Variants in PHTF2 observed in about 807,000 individuals in gnomAD.
The protein encoded by PHTF2 is protein PHTF2.
PHTF2 carries 60 observed loss-of-function variants against 101.2 expected under a neutral mutation model. The ratio of observed to expected loss-of-function variants is 0.59; its 90% confidence interval spans 0.48 to 0.73. The LOEUF (loss-of-function observed/expected upper bound fraction) is 0.73. Among genes scored for constraint, PHTF2 ranks in the 30% least tolerant of loss-of-function variants. The pLI, the probability that PHTF2 is intolerant of heterozygous loss-of-function variation, is 0.00. For synonymous variants in PHTF2, 311 were observed against 307.3 expected (o/e 1.01, Z -0.13); for missense variants, 747 against 908.7 (o/e 0.82, Z 2.29).
intron 1 of PHTF2, among the ~76,000 whole-genome samples, chr7:77,831,274 C>T (rs1395669776): frequency 6.6e-6 from 1 of 152,188 alleles, no homozygotes. Flanking sequence ...TATGGAAGGC[C>T]ACCACTTCAT....
rs114594024 is a variant in PHTF2 at position 77,875,011 on chromosome 7, T to G, written c.148-18597T>G. Among the ~76,000 whole-genome samples the G allele has an allele frequency of 5.6e-3, 858 of 152,352 alleles. 8 individuals are homozygous for G. The highest frequency in any genetic ancestry group is 0.02 in the African/African-American group (813 of 41,580). On this transcript the variant is annotated intron_variant, in intron 3 of 19. Transcript: ENST00000416283. ...ATTTTATGCCAGGCCCATGGTCTTT[T>G]GGTTACTATAGGTTTGTAATATATT... is the stretch of plus-strand genomic sequence containing the variant.
At chr7:77,940,353 A>G in intron 14 of PHTF2, 51 bp downstream of exon 13, 1 of 1,459,684 alleles carries the variant, frequency 6.9e-7, no homozygotes, top group Non-Finnish European at 9.3e-7. Flanking sequence ...TTTTCATAAT[A>G]TTAAAAGTAT....
Position 77,923,140 on chromosome 7 carries a change from C to A in PHTF2, c.1119+362C>A, listed in dbSNP as rs973423213. Reference sequence around the variant, plus strand: ...ATCATAGCAAAGTTATTTTAAGTAACTTCCTTCATATTGCTGTCACCAGTT... The same window carrying A: ...ATCATAGCAAAGTTATTTTAAGTAAATTCCTTCATATTGCTGTCACCAGTT... On this transcript the variant is annotated intron_variant, in intron 11 of 19. Transcript: ENST00000416283. 27 of 985,976 alleles carry A rather than the reference C, an allele frequency of 2.7e-5. No individual in the cohort carries two copies. In the African/African-American group the frequency reaches 4.5e-4, roughly 17 times the overall value. The allele number at this position is 985,976 out of a possible 1,614,324, so 61.1% of individuals were successfully genotyped here. A position where few individuals can be genotyped will look rare whatever the true frequency, so the allele number is the denominator to read the frequency against.
rs527515733 is a variant in PHTF2, at chr7:77,862,996, T to C, written c.147+8162T>C. On this transcript the variant is annotated intron_variant, in intron 3 of 19. Coordinates refer to ENST00000416283, the Ensembl canonical transcript of PHTF2. ...TCTTTGCCTAATGGACCATAGAGTT[T>C]ATTCAAATAAAAGCTGTAGATTCAG... is the stretch of plus-strand genomic sequence containing the variant. 2.0e-5 allele frequency among the ~76,000 whole-genome samples: 3 copies of C among 152,318 alleles called. No homozygotes were observed. The East Asian group carries it at 5.8e-4, about 29-fold the overall frequency.
At chr7:77,878,667 A>G (rs1207723008) in intron 3 of PHTF2, among the ~76,000 whole-genome samples, 1 of 152,190 alleles carries the variant, frequency 6.6e-6, no homozygotes, top group African/African-American at 2.4e-5. Flanking sequence ...CCAGGAATGA[A>G]CAAGCACAGC....
At chr7:77,916,285 T>G (rs896856169) in intron 9 of PHTF2, among the ~76,000 whole-genome samples, 1 of 152,222 alleles carries the variant, frequency 6.6e-6, no homozygotes, top group Non-Finnish European at 1.5e-5. Flanking sequence ...TGTATTTTTA[T>G]TCCCTAAAAC....
intron 1 of PHTF2, among the ~76,000 whole-genome samples, chr7:77,824,585 C>A (rs1324365244): frequency 6.6e-6 from 1 of 152,172 alleles, no homozygotes; most frequent in African/African-American, 2.4e-5. Context: ...ACCACCATGC[C>A]TGGCTAATTT....
chr7:77,829,628 A>T (rs1008679841), intron 1 of PHTF2, among the ~76,000 whole-genome samples: 1 of 152,196 alleles, frequency 6.6e-6, no homozygotes, highest in Admixed American at 6.5e-5. Flanking sequence ...CTTTTGTATC[A>T]TTATGAAAGA....
chr7:77,886,493 C>A (rs150707184), intron 3 of PHTF2, among the ~76,000 whole-genome samples: 65 of 152,222 alleles, frequency 4.3e-4, no homozygotes, highest in African/African-American at 1.5e-3. Context: ...TCCTCCATTT[C>A]CCCCTTTCCC....
At chr7:77,865,244 T>C (rs1410949930) in intron 3 of PHTF2, among the ~76,000 whole-genome samples, 1 of 151,914 alleles carries the variant, frequency 6.6e-6, no homozygotes, top group Non-Finnish European at 1.5e-5. Flanking sequence ...TTTTTTTTTT[T>C]AGACAGAGTC....
chr7:77,923,899 A>G (rs550111322), intron 11 of PHTF2: 4 of 967,616 alleles, frequency 4.1e-6, no homozygotes, highest in East Asian at 1.1e-4. Context: ...ACATTATTCT[A>G]CCTATTAACT....
At chr7:77,856,697 C>G (rs189067437) in intron 3 of PHTF2, among the ~76,000 whole-genome samples, 1 of 151,762 alleles carries the variant, frequency 6.6e-6, no homozygotes, top group African/African-American at 2.4e-5. Flanking sequence ...TTTTCCTTGC[C>G]GTTATTCCCT....
chr7:77,884,285 T>C (rs977426026), intron 3 of PHTF2, among the ~76,000 whole-genome samples: 1 of 152,242 alleles, frequency 6.6e-6, no homozygotes, highest in Admixed American at 6.5e-5. Context: ...GGTTACATGA[T>C]GAATTATATA....
intron 3 of PHTF2, among the ~76,000 whole-genome samples, chr7:77,890,904 CTTTTTTTTT>C (rs11442975): frequency 0.015 from 1,382 of 92,962 alleles, 14 homozygotes; most frequent in Middle Eastern, 0.06. Flanking sequence ...CGCACCCGGC[CTTTTTTTTT>C]TTTTTTTTTT....
chr7:77,825,472 A>C (rs757661252), intron 1 of PHTF2, among the ~76,000 whole-genome samples: 7 of 152,182 alleles, frequency 4.6e-5, no homozygotes, highest in African/African-American at 1.2e-4. Context: ...TGGCATTTTG[A>C]ATGGTACTCT....
At chr7:77,817,815 A>C (rs550562177) in intron 1 of PHTF2, among the ~76,000 whole-genome samples, 23 of 152,258 alleles carry the variant, frequency 1.5e-4, no homozygotes, top group Middle Eastern at 3.4e-3. Context: ...GATGTTAAAA[A>C]GTTTGAGTTC....
chr7:77,888,055 A>G (rs2150776115), intron 3 of PHTF2, among the ~76,000 whole-genome samples: 1 of 152,288 alleles, frequency 6.6e-6, no homozygotes, highest in Non-Finnish European at 1.5e-5. Context: ...TTACCTTGGT[A>G]TATCTCTCTC....
At chr7:77,868,047 T>TC (rs1169845438) in intron 3 of PHTF2, among the ~76,000 whole-genome samples, 2 of 152,232 alleles carry the variant, frequency 1.3e-5, no homozygotes, top group East Asian at 3.9e-4. Context: ...TTTCCTTTTT[T>TC]CCCCCCATTC....
At chr7:77,921,592 TG>T (rs1186150084) in intron 10 of PHTF2, among the ~76,000 whole-genome samples, 1 of 152,226 alleles carries the variant, frequency 6.6e-6, no homozygotes, top group Non-Finnish European at 1.5e-5. Flanking sequence ...CTGCAATGAA[TG>T]TAGTCCCTTA....
Sources: gnomAD v4.1 joint callset for allele counts (sites outside exome capture counted in the v4.1 genomes callset) on GRCh38, gnomAD v4.1.1 for gene constraint, MANE v1.5 for transcripts, NCBI Gene and HGNC (gene_info 2026-07-23, HGNC 2026-07-21) for gene names.